The following GABBR2 variants were observed in gnomAD, a reference collection of about 807,000 sequenced individuals.
GABBR2 encodes the protein gamma-aminobutyric acid type B receptor subunit 2, also known as G-protein coupled receptor 51.
Under a neutral mutation model 105.6 loss-of-function variants are expected in GABBR2, and 23 were observed. That is an observed-to-expected ratio of 0.22 (90% confidence interval 0.16 to 0.31). The LOEUF is 0.31. Ranked by LOEUF, GABBR2 falls within the 10% of genes least tolerant of loss-of-function variation. The probability of loss-of-function intolerance (pLI) is 1.00; values close to 1 mark genes in which losing one functional copy is unlikely to be tolerated. For missense variants in GABBR2, 734 were observed against 1,245.5 expected, an observed-to-expected ratio of 0.59 and a Z score of 6.18; for synonymous variants, 478 against 499.7, an observed-to-expected ratio of 0.96 and a Z score of 0.58.
intron 3 of GABBR2, among the ~76,000 whole-genome samples, chr9:98,538,973 C>T (rs996105827): frequency 1.5e-4 from 23 of 152,112 alleles, no homozygotes; most frequent in African/African-American, 4.1e-4. Context: ...ATCCTGTCCT[C>T]GGGAAAAAAG....
intron 7 of GABBR2, among the ~76,000 whole-genome samples, chr9:98,417,459 T>C (rs138059273): frequency 6.6e-6 from 1 of 152,290 alleles, no homozygotes; most frequent in Non-Finnish European, 1.5e-5. Context: ...ACTATTTCTT[T>C]ACAATTAAAC....
chr9:98,467,371 A>C (rs1826581263), intron 6 of GABBR2, among the ~76,000 whole-genome samples: 1 of 152,154 alleles, frequency 6.6e-6, no homozygotes, highest in Non-Finnish European at 1.5e-5. Context: ...TTTCCTTCTG[A>C]GCCCATGCCC....
intron 1 of GABBR2, among the ~76,000 whole-genome samples, chr9:98,698,656 C>T (rs1830788385): frequency 6.6e-6 from 1 of 152,120 alleles, no homozygotes; most frequent in South Asian, 2.1e-4. Context: ...CGTGCCACCA[C>T]ACCCAGCTAA....
chr9:98,700,767 T>C (rs1436444446), intron 1 of GABBR2, among the ~76,000 whole-genome samples: 1 of 152,158 alleles, frequency 6.6e-6, no homozygotes, highest in African/African-American at 2.4e-5. Context: ...AGAAATAATA[T>C]GTGTCACTTG....
intron 7 of GABBR2, among the ~76,000 whole-genome samples, chr9:98,448,213 C>T (rs538271228): frequency 6.5e-4 from 95 of 147,244 alleles, no homozygotes; most frequent in African/African-American, 2.2e-3. Context: ...ATAGAGTACA[C>T]CCACCGAGAA....
At chr9:98,299,165 G>T in intron 17 of GABBR2, 59 bp downstream of exon 17, 1 of 1,432,134 alleles carries the variant, frequency 7.0e-7, no homozygotes, top group South Asian at 1.1e-5. Context: ...AATGGAAGAT[G>T]AACAGCTGGT....
At chr9:98,447,537 A>G (rs202090831) in intron 7 of GABBR2, among the ~76,000 whole-genome samples, 187 of 142,518 alleles carry the variant, frequency 1.3e-3, no homozygotes, top group South Asian at 3.2e-3. Context: ...ACTAGTATGT[A>G]TGTGTGTGTG....
intron 7 of GABBR2, among the ~76,000 whole-genome samples, chr9:98,435,761 C>A (rs1406217144): frequency 6.6e-6 from 1 of 152,194 alleles, no homozygotes; most frequent in Admixed American, 6.5e-5. Flanking sequence ...ACCCACTTTG[C>A]CTAGTTAGCT....
chr9:98,372,957 T>C (rs1171997751), intron 11 of GABBR2, among the ~76,000 whole-genome samples: 1 of 152,028 alleles, frequency 6.6e-6, no homozygotes, highest in African/African-American at 2.4e-5. Context: ...TATTTTCTTT[T>C]TCTTTTTCTT....
intron 17 of GABBR2, among the ~76,000 whole-genome samples, chr9:98,298,120 G>C (rs758228467): frequency 6.6e-5 from 10 of 151,496 alleles, no homozygotes; most frequent in Non-Finnish European, 1.3e-4. Flanking sequence ...TCACACGAGT[G>C]AATACTGTTA....
Position 98,388,822 on chromosome 9 carries a change from T to G in GABBR2, c.1529+32A>C. ...TCCATAGGCTTGTCAATTTAGAAAG[T>G]GATATCACAGAGGAGGACCAGGGTG... On this transcript the variant is annotated intron_variant, in intron 10 of 18. Coordinates refer to ENST00000259455, the MANE Select transcript of GABBR2 (RefSeq NM_005458.8). The surrounding 1 kb of genome is among the most constrained non-coding windows in gnomAD (Gnocchi z 4.4). 1 of 1,579,654 alleles carries G rather than the reference T, an allele frequency of 6.3e-7. No individual in the cohort carries two copies. Among genetic ancestry groups the G allele is most frequent in the Non-Finnish European group, 8.7e-7 (1 of 1,154,468 alleles).
At chr9:98,370,756 G>C (rs919305551) in intron 12 of GABBR2, among the ~76,000 whole-genome samples, 3 of 152,192 alleles carry the variant, frequency 2.0e-5, no homozygotes, top group Non-Finnish European at 4.4e-5. Context: ...CAGTACCACT[G>C]CAAGAGTTAA....
intron 11 of GABBR2, among the ~76,000 whole-genome samples, chr9:98,380,319 C>T (rs113550346): frequency 0.018 from 2,726 of 152,308 alleles, 42 homozygotes; most frequent in African/African-American, 0.033. Flanking sequence ...ACGCTGGGAT[C>T]TAAGGTCCGC....
chr9:98,357,309 C>T (rs987084737), intron 13 of GABBR2, among the ~76,000 whole-genome samples: 2 of 152,028 alleles, frequency 1.3e-5, no homozygotes, highest in African/African-American at 4.8e-5. Context: ...TAAAACTACC[C>T]TAAGAAATAA....
chr9:98,413,236 G>A (rs1323983965), intron 7 of GABBR2, among the ~76,000 whole-genome samples: 1 of 152,110 alleles, frequency 6.6e-6, no homozygotes, highest in Non-Finnish European at 1.5e-5. Flanking sequence ...CTCCTCCCAG[G>A]ACAGCACTGG....
rs568292927 is a variant in GABBR2 at position 98,500,775 on chromosome 9, A to G, written c.631-4261T>C. 9.5e-4 allele frequency among the ~76,000 whole-genome samples: 144 copies of G among 152,268 alleles called. 1 individual carries two copies. Among genetic ancestry groups the G allele is most frequent in the African/African-American group, 2.8e-3 (118 of 41,544 alleles). On this transcript the variant is annotated intron_variant, in intron 3 of 18. Coordinates refer to ENST00000259455, the MANE Select transcript of GABBR2 (RefSeq NM_005458.8). ...GCCCATCCATGTGAGTTCGTGCCAG[A>G]AAGCATGTCCCTGAAGCAGTGGTTC... is the stretch of plus-strand genomic sequence containing the variant.
At chr9:98,543,649 G>T (rs540824243) in intron 2 of GABBR2, among the ~76,000 whole-genome samples, 6 of 152,172 alleles carry the variant, frequency 3.9e-5, no homozygotes, top group African/African-American at 1.2e-4. Context: ...GTGTGCTATC[G>T]CACCCAGCTT....
intron 13 of GABBR2, among the ~76,000 whole-genome samples, chr9:98,343,896 G>A (rs1831258809): frequency 6.6e-6 from 1 of 152,064 alleles, no homozygotes; most frequent in Admixed American, 6.6e-5. Flanking sequence ...CCCATATGGA[G>A]GTGTGTGCAT....
chr9:98,309,794 A>C (rs1830608569), intron 14 of GABBR2, among the ~76,000 whole-genome samples: 1 of 152,158 alleles, frequency 6.6e-6, no homozygotes. Context: ...CTTGCATGGG[A>C]GCTCAAAAGA....
Sources: gnomAD v4.1 joint callset for allele counts (sites outside exome capture counted in the v4.1 genomes callset) on GRCh38, gnomAD v4.1.1 for gene constraint, Gnocchi (gnomAD v3.1) non-coding constraint, MANE v1.5 for transcripts, NCBI Gene and HGNC (gene_info 2026-07-23, HGNC 2026-07-21) for gene names.